CTNNA3: variants seen among roughly 807,000 people sequenced by gnomAD.
CTNNA3 encodes catenin alpha-3.
In CTNNA3, 76 loss-of-function variants were observed where a neutral mutation model predicts 95.7. The observed-to-expected ratio is 0.79, with a 90% confidence interval of 0.66 to 0.96. The LOEUF (loss-of-function observed/expected upper bound fraction) is 0.96. Among genes scored for constraint, CTNNA3 ranks in the 40% least tolerant of loss-of-function variants. CTNNA3 has a pLI of 0.00. For missense variants in CTNNA3, 1,191 were observed against 1,089.8 expected, an observed-to-expected ratio of 1.09 and a Z score of -1.31; for synonymous variants, 431 against 374.4, an observed-to-expected ratio of 1.15 and a Z score of -1.74.
chr10:66,058,032 T>C (rs2080120404), intron 15 of CTNNA3, among the ~76,000 whole-genome samples: 1 of 152,162 alleles, frequency 6.6e-6, no homozygotes, highest in African/African-American at 2.4e-5. Context: ...AACTTACCAA[T>C]ATTTCTAATT....
intron 16 of CTNNA3, among the ~76,000 whole-genome samples, chr10:65,984,312 CAAT>C (rs1159797263): frequency 6.6e-6 from 1 of 151,094 alleles, no homozygotes; most frequent in Non-Finnish European, 1.5e-5. Flanking sequence ...TTAATCTATC[CAAT>C]AATAATGTCA....
At chr10:66,306,264 C>T (rs2091932541) in intron 12 of CTNNA3, among the ~76,000 whole-genome samples, 1 of 152,186 alleles carries the variant, frequency 6.6e-6, no homozygotes, top group African/African-American at 2.4e-5. Context: ...CAGCAAATCA[C>T]ATAACTTCCC....
At chr10:67,001,475 G>T (rs1851689074) in intron 7 of CTNNA3, among the ~76,000 whole-genome samples, 2 of 151,784 alleles carry the variant, frequency 1.3e-5, no homozygotes, top group South Asian at 4.2e-4. Flanking sequence ...ATGGGGAAAT[G>T]GGAATGGGGG....
At chr10:66,774,828 G>A (rs965581366) in intron 8 of CTNNA3, among the ~76,000 whole-genome samples, 3 of 151,984 alleles carry the variant, frequency 2.0e-5, no homozygotes, top group Non-Finnish European at 4.4e-5. Context: ...TTTAACTTGT[G>A]GCATCATACT....
intron 9 of CTNNA3, among the ~76,000 whole-genome samples, chr10:66,721,270 A>C (rs1403674378): frequency 2.0e-5 from 3 of 152,206 alleles, no homozygotes; most frequent in African/African-American, 7.2e-5. Flanking sequence ...AAACATGATA[A>C]ACCTCTCGAG....
At chr10:67,186,436 C>T (rs1425682152) in intron 6 of CTNNA3, among the ~76,000 whole-genome samples, 1 of 152,212 alleles carries the variant, frequency 6.6e-6, no homozygotes, top group Admixed American at 6.5e-5. Context: ...TCTTCAAGCT[C>T]ATCTGAACTC....
intron 10 of CTNNA3, among the ~76,000 whole-genome samples, chr10:66,618,610 G>A (rs2132307847): frequency 6.6e-6 from 1 of 152,180 alleles, no homozygotes; most frequent in Admixed American, 6.5e-5. Context: ...AAAAACCCTA[G>A]AAGAAAACCT....
intron 5 of CTNNA3, among the ~76,000 whole-genome samples, chr10:67,517,158 T>C (rs1171749508): frequency 2.0e-5 from 3 of 152,166 alleles, no homozygotes; most frequent in Non-Finnish European, 2.9e-5. Flanking sequence ...CTATTTCATA[T>C]GTTTTTAGCA....
At chr10:67,245,465 T>C (rs1157689908) in intron 5 of CTNNA3, among the ~76,000 whole-genome samples, 1 of 152,188 alleles carries the variant, frequency 6.6e-6, no homozygotes, top group African/African-American at 2.4e-5. Flanking sequence ...ATTTACTTCA[T>C]GAATGAATGA....
At chr10:66,893,071 G>C (rs1201907467) in intron 7 of CTNNA3, among the ~76,000 whole-genome samples, 1 of 151,984 alleles carries the variant, frequency 6.6e-6, no homozygotes, top group Non-Finnish European at 1.5e-5. Flanking sequence ...AGATGAATCT[G>C]CTCTTCTGTG....
chr10:67,592,989 G>GC (rs1842832555), intron 3 of CTNNA3, among the ~76,000 whole-genome samples: 1 of 152,004 alleles, frequency 6.6e-6, no homozygotes, highest in African/African-American at 2.4e-5. Context: ...CTTTAAGTAG[G>GC]CCCCAATGTC....
chr10:66,227,252 T>A (rs1158725054), intron 13 of CTNNA3, among the ~76,000 whole-genome samples: 2 of 152,176 alleles, frequency 1.3e-5, no homozygotes, highest in African/African-American at 2.4e-5. Context: ...GGCATCATTG[T>A]CCTATCCCAG....
At chr10:66,212,178 C>T (rs1377457946) in intron 13 of CTNNA3, among the ~76,000 whole-genome samples, 6 of 151,768 alleles carry the variant, frequency 4.0e-5, no homozygotes, top group Admixed American at 6.6e-5. Flanking sequence ...TTAGTACAGA[C>T]GGGGTTTCAC....
At chr10:66,986,803 T>A (rs2132912316) in intron 7 of CTNNA3, among the ~76,000 whole-genome samples, 1 of 152,254 alleles carries the variant, frequency 6.6e-6, no homozygotes, top group East Asian at 1.9e-4. Flanking sequence ...TGATAGTCAA[T>A]CATTTCTCCA....
intron 5 of CTNNA3, among the ~76,000 whole-genome samples, chr10:67,260,670 G>T (rs1026005554): frequency 3.1e-4 from 44 of 144,086 alleles, no homozygotes; most frequent in Non-Finnish European, 4.1e-4. Flanking sequence ...TCACTGTTTT[G>T]TTTTGTTTTT....
chr10:67,362,644 C>T (rs1022475210), intron 5 of CTNNA3, among the ~76,000 whole-genome samples: 4 of 151,962 alleles, frequency 2.6e-5, no homozygotes, highest in African/African-American at 4.8e-5. Context: ...CCACAGCCAA[C>T]ATCATACTGA....
intron 7 of CTNNA3, among the ~76,000 whole-genome samples, chr10:66,815,115 T>C (rs539797931): frequency 1.3e-5 from 2 of 152,234 alleles, no homozygotes; most frequent in South Asian, 2.1e-4. Context: ...AATGAAATGA[T>C]GAAAATCTTT....
In CTNNA3 at chr10:66,117,952, A is replaced by T. The variant is rs545034403; in HGVS notation, c.1885-14703T>A. On this transcript the variant is annotated intron_variant, in intron 13 of 17. Transcript: ENST00000433211. The stretch of plus-strand genomic sequence containing the variant: ...TGCCCGCCTTCTAAAGCAGCCCAAG[A>T]GAGAGACCACAGCTGAGGGACCACC... Among the ~76,000 whole-genome samples the T allele has an allele frequency of 2.7e-4, 41 of 152,250 alleles. No individual in the cohort carries two copies. The South Asian group carries it at 7.3e-3, about 27-fold the overall frequency.
At chr10:66,755,397 A>C (rs1839323310) in intron 9 of CTNNA3, among the ~76,000 whole-genome samples, 1 of 152,162 alleles carries the variant, frequency 6.6e-6, no homozygotes, top group South Asian at 2.1e-4. Context: ...ACTCTGTGGA[A>C]TATTGGAAAC....
Sources: gnomAD v4.1 joint callset for allele counts (sites outside exome capture counted in the v4.1 genomes callset) on GRCh38, gnomAD v4.1.1 for gene constraint, MANE v1.5 for transcripts, NCBI Gene and HGNC (gene_info 2026-07-23, HGNC 2026-07-21) for gene names.